The following ZFHX3 variants were observed in gnomAD, a reference collection of about 807,000 sequenced individuals.
The protein encoded by ZFHX3 is zinc finger homeobox protein 3.
A neutral mutation model predicts 279.1 loss-of-function variants in ZFHX3; 42 were observed. That is an observed-to-expected ratio of 0.15 (90% CI 0.12 to 0.19). ZFHX3 has a LOEUF of 0.19. Among genes scored for constraint, ZFHX3 ranks in the 10% least tolerant of loss-of-function variants. ZFHX3 has a pLI of 1.00. For synonymous variants in ZFHX3, 2,293 were observed against 1,957.8 expected (o/e 1.17, Z -4.52); for missense variants, 4,981 against 4,754.0 (o/e 1.05, Z -1.40).
chr16:73,555,392 G>A lies in ZFHX3; in HGVS notation c.-1546-99134C>T, dbSNP rs931325976. Among the ~76,000 whole-genome samples, 5 of 152,102 alleles carry A rather than the reference G, an allele frequency of 3.3e-5. No individual in the cohort carries two copies. The East Asian group carries it at 9.9e-4, about 30-fold the overall frequency. The stretch of plus-strand genomic sequence containing the variant: ...GATGGTCCCGATATCTTGACCTCGT[G>A]ATCCGCCTGCCTCGGCCTCCCAAAG... On this transcript the variant is annotated intron_variant, in intron 2 of 17. Coordinates refer to the ZFHX3 transcript ENST00000641206.
At chr16:73,749,627 C>A (rs955585949) in intron 1 of ZFHX3, among the ~76,000 whole-genome samples, 2 of 152,116 alleles carry the variant, frequency 1.3e-5, no homozygotes, top group Admixed American at 1.3e-4. Flanking sequence ...ACCAGGTAAC[C>A]CTTCCTAACA....
intron 2 of ZFHX3, among the ~76,000 whole-genome samples, chr16:73,507,559 A>T (rs955527611): frequency 7.3e-6 from 1 of 136,408 alleles, no homozygotes. Context: ...ACAGTGGTGC[A>T]GTCATGGCTC....
At chr16:73,064,175 G>T (rs977716380), upstream of ZFHX3, among the ~76,000 whole-genome samples, 1 of 152,114 alleles carries the variant, frequency 6.6e-6, no homozygotes, top group African/African-American at 2.4e-5. Flanking sequence ...TAGATCCCTG[G>T]GGGGCAGGAG....
At chr16:73,628,412 G>A (rs866054101) in intron 2 of ZFHX3, among the ~76,000 whole-genome samples, 1 of 152,172 alleles carries the variant, frequency 6.6e-6, no homozygotes, top group East Asian at 1.9e-4. Context: ...GAAAAGGGCT[G>A]CAGCCAAAAT....
At chr16:73,481,045 C>G (rs769162456) in intron 2 of ZFHX3, among the ~76,000 whole-genome samples, 8 of 152,122 alleles carry the variant, frequency 5.3e-5, no homozygotes, top group Admixed American at 2.0e-4. Flanking sequence ...AGTCCTAAAT[C>G]CCGGGCTGGG....
chr16:73,390,356 G>T (rs1188740307), intron 3 of ZFHX3, among the ~76,000 whole-genome samples: 1 of 152,108 alleles, frequency 6.6e-6, no homozygotes, highest in Admixed American at 6.5e-5. Flanking sequence ...GAAGCTTCTG[G>T]AGGGCAGGAG....
chr16:73,733,948 C>T (rs1235417325), intron 1 of ZFHX3, among the ~76,000 whole-genome samples: 1 of 152,168 alleles, frequency 6.6e-6, no homozygotes, highest in Non-Finnish European at 1.5e-5. Flanking sequence ...AATTTTTTGG[C>T]ACCAGAGACT....
upstream of ZFHX3, among the ~76,000 whole-genome samples, chr16:73,051,156 G>A (rs778578862): frequency 3.9e-5 from 6 of 152,196 alleles, no homozygotes; most frequent in Non-Finnish European, 7.3e-5. Context: ...ACAGATTTGT[G>A]CACCCTTCCG....
intron 2 of ZFHX3, among the ~76,000 whole-genome samples, chr16:73,675,521 T>C (rs578202005): frequency 5.3e-4 from 81 of 152,226 alleles, no homozygotes; most frequent in African/African-American, 1.9e-3. Flanking sequence ...AGTAAAGTGC[T>C]GTGAATGAAA....
At chr16:73,532,005 C>A (rs139187242) in intron 2 of ZFHX3, among the ~76,000 whole-genome samples, 2 of 151,522 alleles carry the variant, frequency 1.3e-5, no homozygotes, top group African/African-American at 4.8e-5. Flanking sequence ...GGAAAATGGC[C>A]TGAGCCCATG....
At chr16:73,021,036 G>C (rs149670920) in intron 1 of ZFHX3, among the ~76,000 whole-genome samples, 2 of 152,264 alleles carry the variant, frequency 1.3e-5, no homozygotes, top group East Asian at 3.9e-4. Flanking sequence ...ATAGGCCCAA[G>C]GACTTTGAAA....
intron 4 of ZFHX3, among the ~76,000 whole-genome samples, chr16:73,290,321 T>G (rs536783364): frequency 4.0e-4 from 61 of 152,274 alleles, no homozygotes; most frequent in African/African-American, 1.3e-3. Flanking sequence ...GAAGCTCATC[T>G]GGGAGGTCAG....
chr16:73,485,854 T>C (rs2018964560), intron 2 of ZFHX3, among the ~76,000 whole-genome samples: 1 of 152,152 alleles, frequency 6.6e-6, no homozygotes, highest in African/African-American at 2.4e-5. Flanking sequence ...ACTTTCTTAG[T>C]CTGGGTGAAA....
rs1361984531 is a variant in ZFHX3, at chr16:72,926,661, T to A, written c.3216+23808A>T. Among the ~76,000 whole-genome samples, 3 of 152,310 alleles carry A rather than the reference T, an allele frequency of 2.0e-5. No individual in the cohort carries two copies. The East Asian group carries it at 5.8e-4, about 29-fold the overall frequency. The stretch of plus-strand genomic sequence containing the variant: ...GATAGGTCCCGACCACCCATGGGCA[T>A]CAAAGATCCCATGACATTTCTGTAA... On this transcript the variant is annotated intron_variant, in intron 3 of 9. Transcript: ENST00000268489.
At chr16:73,619,347 G>A (rs1341779167) in intron 2 of ZFHX3, among the ~76,000 whole-genome samples, 1 of 151,738 alleles carries the variant, frequency 6.6e-6, no homozygotes, top group South Asian at 2.1e-4. Flanking sequence ...AATTAGCCGG[G>A]CATGGTGGCG....
chr16:73,502,929 T>A (rs560439994), intron 2 of ZFHX3, among the ~76,000 whole-genome samples: 1 of 152,350 alleles, frequency 6.6e-6, no homozygotes, highest in Admixed American at 6.5e-5. Flanking sequence ...GCCTCCCTGA[T>A]TCACCAACAT....
intron 2 of ZFHX3, among the ~76,000 whole-genome samples, chr16:73,577,278 A>T (rs2051810191): frequency 6.6e-6 from 1 of 152,208 alleles, no homozygotes; most frequent in Admixed American, 6.5e-5. Context: ...TAGAAACTGT[A>T]TCTCAGGCAC....
In ZFHX3 at chr16:73,360,504, A is replaced by C. The variant is rs545090600; in HGVS notation, c.-1290-42168T>G. Among the ~76,000 whole-genome samples the C allele has an allele frequency of 2.0e-5, 3 of 152,208 alleles. No individual in the cohort carries two copies. In the East Asian group the frequency reaches 5.8e-4, roughly 29 times the overall value. ...CAGGTGCCCACCGCTATGCCCAGCT[A>C]ATTTTTGTATTTTTAGTAGAGACAG... On this transcript the variant is annotated intron_variant, in intron 3 of 17. Coordinates refer to the ZFHX3 transcript ENST00000641206.
intron 1 of ZFHX3, among the ~76,000 whole-genome samples, chr16:73,850,025 G>A (rs567237202): frequency 6.6e-6 from 1 of 152,104 alleles, no homozygotes; most frequent in Non-Finnish European, 1.5e-5. Flanking sequence ...GAGCCACCGC[G>A]CCTGGCCAGC....
Sources: allele counts gnomAD v4.1 joint callset (sites outside exome capture counted in the v4.1 genomes callset), GRCh38; gene constraint gnomAD v4.1.1; transcripts MANE v1.5; gene names NCBI Gene and HGNC (gene_info 2026-07-23, HGNC 2026-07-21).